OR51B5: variants seen among roughly 807,000 people sequenced by gnomAD.
OR51B5 encodes olfactory receptor family 51 subfamily B member 5.
For missense variants in OR51B5, 456 were observed against 374.6 expected (o/e 1.22, Z -1.79); for synonymous variants, 186 against 144.8 (o/e 1.28, Z -2.04).
rs10636129 is a variant in OR51B5, at chr11:5,418,877, T to TAAA, written n.85-71970_85-71968dup. ...ATGTACCCCAGAACTTGAAGTATTATAAAAAAAAAAAAAGCATCATCTGGT... is the reference window on the plus strand; with the variant it reads ...ATGTACCCCAGAACTTGAAGTATTATAAAAAAAAAAAAAAAAGCATCATCTGGT... On this transcript the variant is annotated intron_variant and non_coding_transcript_variant, in intron 1 of 4. Transcript: ENST00000415970. Among the ~76,000 whole-genome samples the TAAA allele has an allele frequency of 2.1e-3, 278 of 133,634 alleles. 7 individuals carry two copies. Among genetic ancestry groups the TAAA allele is most frequent in the African/African-American group, 6.8e-3 (246 of 36,204 alleles). The allele number at this position is 133,634 out of a possible 152,430, so 87.7% of individuals were successfully genotyped here.
chr11:5,425,721 T>C (rs1850438546), intron 1 of OR51B5, among the ~76,000 whole-genome samples: 1 of 152,226 alleles, frequency 6.6e-6, no homozygotes, highest in African/African-American at 2.4e-5. Flanking sequence ...AGTATGATTC[T>C]AAGAATGTAA....
At chr11:5,465,454 CTACTT>C (rs1378223074) in intron 1 of OR51B5, among the ~76,000 whole-genome samples, 1 of 151,990 alleles carries the variant, frequency 6.6e-6, no homozygotes, top group Non-Finnish European at 1.5e-5. Flanking sequence ...TTGGAAAAAA[CTACTT>C]TAAAGTTCAT....
chr11:5,440,954 C>A (rs778308008), intron 1 of OR51B5: 2 of 1,613,972 alleles, frequency 1.2e-6, no homozygotes, highest in Non-Finnish European at 1.7e-6. Context: ...ATGCTACTTT[C>A]ATGAGATCTG....
intron 1 of OR51B5, among the ~76,000 whole-genome samples, chr11:5,401,860 TTC>T (rs1420381995): frequency 7.4e-6 from 1 of 135,710 alleles, no homozygotes; most frequent in Non-Finnish European, 1.6e-5. Context: ...CTTCTGCTTT[TTC>T]TTTTTCCTTC....
At chr11:5,469,872 G>T (rs1180026561) in intron 1 of OR51B5, among the ~76,000 whole-genome samples, 2 of 152,018 alleles carry the variant, frequency 1.3e-5, no homozygotes, top group Non-Finnish European at 2.9e-5. Context: ...TTGTGCAAGT[G>T]ATGACATCTT....
At chr11:5,505,576 C>A in exon 1 of OR51B5, 1 of 948,468 alleles carries the variant, frequency 1.1e-6, no homozygotes, top group Non-Finnish European at 1.4e-6. Context: ...TACAGTTCCA[C>A]ATAGCTGGGG....
At chr11:5,461,725 C>A (rs770530402) in intron 1 of OR51B5, among the ~76,000 whole-genome samples, 1 of 152,202 alleles carries the variant, frequency 6.6e-6, no homozygotes, top group Non-Finnish European at 1.5e-5. Context: ...GGTTCTCCTG[C>A]AGGTAGGATC....
chr11:5,439,800 C>T (rs1043265579), intron 1 of OR51B5, among the ~76,000 whole-genome samples: 22 of 152,060 alleles, frequency 1.4e-4, no homozygotes, highest in Non-Finnish European at 2.6e-4. Context: ...AAAAGAGAAA[C>T]ATTGTCCTTC....
At chr11:5,453,911 T>C in intron 1 of OR51B5, 1 of 1,614,196 alleles carries the variant, frequency 6.2e-7, no homozygotes, top group Non-Finnish European at 8.5e-7. Flanking sequence ...CTGAAGTCAT[T>C]GCTGCAATGG....
chr11:5,452,188 A>G (rs12420260), intron 1 of OR51B5, among the ~76,000 whole-genome samples: 41,428 of 152,042 alleles, frequency 0.27, 7,075 homozygotes, highest in Non-Finnish European at 0.38. Flanking sequence ...TATGAGGACA[A>G]GATCTACATG....
At chr11:5,365,584 G>A (rs1346208054) in intron 1 of OR51B5, among the ~76,000 whole-genome samples, 3 of 152,112 alleles carry the variant, frequency 2.0e-5, no homozygotes, top group Non-Finnish European at 4.4e-5. Context: ...TTATCGAGAT[G>A]CACATGACAT....
intron 1 of OR51B5, chr11:5,390,335 C>A: frequency 6.2e-7 from 1 of 1,611,958 alleles, no homozygotes. Context: ...GGAGATCCAC[C>A]GTGCCATTAT....
intron 1 of OR51B5, among the ~76,000 whole-genome samples, chr11:5,459,214 A>G (rs11037542): frequency 0.09 from 13,769 of 152,182 alleles, 661 homozygotes; most frequent in South Asian, 0.13. Flanking sequence ...AGATGGTTAC[A>G]TGGTCTTTGC....
chr11:5,473,735 T>C (rs1268294220), intron 1 of OR51B5, among the ~76,000 whole-genome samples: 8 of 152,200 alleles, frequency 5.3e-5, no homozygotes, highest in Non-Finnish European at 7.4e-5. Flanking sequence ...ATGTGTGTAA[T>C]ATTTGATGCC....
At chr11:5,454,782 T>G (rs897174219) in intron 1 of OR51B5, 1 of 168,538 alleles carries the variant, frequency 5.9e-6, no homozygotes, top group African/African-American at 2.4e-5. Flanking sequence ...AAATTATTTG[T>G]GTGTATTAAT....
chr11:5,352,277 C>A (rs1249705806), intron 1 of OR51B5: 1 of 1,614,206 alleles, frequency 6.2e-7, no homozygotes, highest in Non-Finnish European at 8.5e-7. Flanking sequence ...GTTTGTCTGA[C>A]ATTTATTCAT....
chr11:5,416,416 G>T (rs1850244344), intron 1 of OR51B5, among the ~76,000 whole-genome samples: 2 of 152,156 alleles, frequency 1.3e-5, no homozygotes, highest in Non-Finnish European at 1.5e-5. Context: ...AGTGTTGGAA[G>T]TTCTGGCCAG....
chr11:5,431,385 A>C, intron 1 of OR51B5: 1 of 241,078 alleles, frequency 4.1e-6, no homozygotes, highest in Non-Finnish European at 8.2e-6. Context: ...AGAGACGCCC[A>C]CCTCAGTGAC....
chr11:5,412,097 C>G (rs1170783476), intron 1 of OR51B5, among the ~76,000 whole-genome samples: 3 of 152,210 alleles, frequency 2.0e-5, no homozygotes, highest in South Asian at 4.1e-4. Flanking sequence ...TATAACAGCA[C>G]AGACCTTTCT....
Sources: allele counts gnomAD v4.1 joint callset (sites outside exome capture counted in the v4.1 genomes callset), GRCh38; gene constraint gnomAD v4.1.1; transcripts MANE v1.5; gene names NCBI Gene and HGNC (gene_info 2026-07-23, HGNC 2026-07-21).